Variants in FOXN3 observed in about 807,000 individuals in gnomAD.
FOXN3 encodes forkhead box protein N3.
FOXN3 carries 7 observed loss-of-function variants against 38.4 expected under a neutral mutation model. The ratio of observed to expected loss-of-function variants is 0.18; its 90% CI spans 0.10 to 0.34. The LOEUF (loss-of-function observed/expected upper bound fraction) is 0.34. Ranked by LOEUF, FOXN3 falls within the 10% of genes least tolerant of loss-of-function variation. The pLI is 1.00. For synonymous variants in FOXN3, 230 were observed against 242.2 expected, an observed-to-expected ratio of 0.95 and a Z score of 0.47; for missense variants, 456 against 613.4, an observed-to-expected ratio of 0.74 and a Z score of 2.71.
At chr14:89,192,532 GTA>G (rs1212145754) in intron 4 of FOXN3, among the ~76,000 whole-genome samples, 3 of 124,788 alleles carry the variant, frequency 2.4e-5, no homozygotes, top group African/African-American at 9.6e-5. Context: ...TATAATAGTT[GTA>G]TATAACTTTA....
chr14:89,401,070 C>T (rs570106845), intron 2 of FOXN3, among the ~76,000 whole-genome samples: 12 of 152,290 alleles, frequency 7.9e-5, no homozygotes, highest in Non-Finnish European at 1.3e-4. Flanking sequence ...AAGGGTAGCA[C>T]GAATGAACCA....
intron 3 of FOXN3, among the ~76,000 whole-genome samples, chr14:89,282,463 GA>G (rs1376646253): frequency 2.6e-5 from 4 of 152,142 alleles, no homozygotes; most frequent in Non-Finnish European, 5.9e-5. Flanking sequence ...ATTGCTCTTC[GA>G]TTGGATTCTG....
At chr14:89,193,468 A>G (rs8008871) in intron 4 of FOXN3, among the ~76,000 whole-genome samples, 77,315 of 152,032 alleles carry the variant, frequency 0.51, 21,051 homozygotes, top group African/African-American at 0.72. Context: ...CCTAAGTGGG[A>G]CATTCCCAAG....
chr14:89,178,247 G>C (rs1452062914), intron 5 of FOXN3, among the ~76,000 whole-genome samples: 1 of 151,710 alleles, frequency 6.6e-6, no homozygotes, highest in Non-Finnish European at 1.5e-5. Context: ...CTGAGCTCAA[G>C]TGATCCACCC....
At chr14:89,404,570 A>G (rs1460759371) in intron 2 of FOXN3, among the ~76,000 whole-genome samples, 1 of 150,458 alleles carries the variant, frequency 6.6e-6, no homozygotes, top group Non-Finnish European at 1.5e-5. Flanking sequence ...TCTTGGGATC[A>G]CAGGATGCTG....
intron 2 of FOXN3, among the ~76,000 whole-genome samples, chr14:89,360,116 T>C (rs1222424762): frequency 6.6e-6 from 1 of 152,110 alleles, no homozygotes; most frequent in Non-Finnish European, 1.5e-5. Context: ...GCCCAGTTAA[T>C]TCCCCGGGGC....
intron 1 of FOXN3, among the ~76,000 whole-genome samples, chr14:89,523,978 G>A (rs948825058): frequency 6.6e-6 from 1 of 151,546 alleles, no homozygotes; most frequent in African/African-American, 2.4e-5. Flanking sequence ...GGTGAGGCTG[G>A]TCTCGAACTC....
intron 1 of FOXN3, among the ~76,000 whole-genome samples, chr14:89,580,198 G>A (rs74473828): frequency 0.064 from 9,687 of 152,204 alleles, 994 homozygotes; most frequent in African/African-American, 0.22. Flanking sequence ...AAGTTGCCCA[G>A]GAACTTGTAT....
chr14:89,456,984 T>C (rs981740733), intron 1 of FOXN3, among the ~76,000 whole-genome samples: 1 of 152,158 alleles, frequency 6.6e-6, no homozygotes, highest in Non-Finnish European at 1.5e-5. Context: ...GAACTACTTA[T>C]ACACGGCAAA....
intron 3 of FOXN3, among the ~76,000 whole-genome samples, chr14:89,331,612 CTG>C (rs1430212608): frequency 4.6e-5 from 7 of 152,330 alleles, no homozygotes; most frequent in African/African-American, 1.7e-4. Context: ...TGGGTCTCCT[CTG>C]TGTTTTCAGT....
intron 4 of FOXN3, among the ~76,000 whole-genome samples, chr14:89,203,222 G>T (rs1888280337): frequency 6.6e-6 from 1 of 152,194 alleles, no homozygotes; most frequent in Non-Finnish European, 1.5e-5. Flanking sequence ...GAATGCAATA[G>T]GTAGAGATGT....
intron 4 of FOXN3, among the ~76,000 whole-genome samples, chr14:89,252,687 A>G (rs1312862033): frequency 6.6e-6 from 1 of 151,990 alleles, no homozygotes; most frequent in African/African-American, 2.4e-5. Flanking sequence ...AGGAAATTTT[A>G]CATAAATATC....
intron 3 of FOXN3, among the ~76,000 whole-genome samples, chr14:89,328,133 T>C (rs1024413620): frequency 6.6e-6 from 1 of 152,208 alleles, no homozygotes; most frequent in Non-Finnish European, 1.5e-5. Flanking sequence ...CGAAAGCAAG[T>C]CTCATGTTAC....
intron 4 of FOXN3, among the ~76,000 whole-genome samples, chr14:89,278,645 T>C (rs1406753153): frequency 1.3e-5 from 2 of 152,136 alleles, no homozygotes; most frequent in Admixed American, 6.5e-5. Flanking sequence ...GCACTGAGAA[T>C]TGCCATCTTT....
intron 2 of FOXN3, among the ~76,000 whole-genome samples, chr14:89,392,211 C>G (rs1404760116): frequency 6.6e-6 from 1 of 152,200 alleles, no homozygotes; most frequent in Non-Finnish European, 1.5e-5. Context: ...CACCAGCCCC[C>G]ACTGCGTGGC....
chr14:89,440,678 G>A (rs1339982973), intron 1 of FOXN3, among the ~76,000 whole-genome samples: 2 of 152,038 alleles, frequency 1.3e-5, no homozygotes, highest in Non-Finnish European at 2.9e-5. Flanking sequence ...CTATAAAACG[G>A]CCCCACCCTT....
chr14:89,542,033 G>A (rs1894799320), intron 1 of FOXN3, among the ~76,000 whole-genome samples: 1 of 152,084 alleles, frequency 6.6e-6, no homozygotes, highest in Non-Finnish European at 1.5e-5. Context: ...CGAGTCCGAA[G>A]TGCAAAGTAA....
chr14:89,366,274 C>A (rs948402665), intron 2 of FOXN3, among the ~76,000 whole-genome samples: 1 of 136,504 alleles, frequency 7.3e-6, no homozygotes, highest in Non-Finnish European at 1.6e-5. Context: ...AAAAAAAAAA[C>A]TTTATTATAG....
Position 89,436,863 on chromosome 14 carries a change from T to C in FOXN3, c.-14-24373A>G, listed in dbSNP as rs150497990. ...TATCACTGAACTTAAAAGTATGGCT[T>C]AGGCCAGGCACGGTGGCTCACACCT... is the stretch of plus-strand genomic sequence containing the variant. On this transcript the variant is annotated intron_variant, in intron 1 of 6. Coordinates refer to the FOXN3 transcript ENST00000345097. Among the ~76,000 whole-genome samples, 37 of 152,262 alleles carry C rather than the reference T, an allele frequency of 2.4e-4. No individual in the cohort carries two copies. The East Asian group carries it at 7.2e-3, about 29-fold the overall frequency.
Sources: gnomAD v4.1 joint callset for allele counts (sites outside exome capture counted in the v4.1 genomes callset) on GRCh38, gnomAD v4.1.1 for gene constraint, MANE v1.5 for transcripts, NCBI Gene and HGNC (gene_info 2026-07-23, HGNC 2026-07-21) for gene names.